The following PIWIL2 variants were observed in gnomAD, a reference collection of about 807,000 sequenced individuals.
PIWIL2 encodes piwi like RNA-mediated gene silencing 2, also known as piwi-like protein 2.
A neutral mutation model predicts 116.5 loss-of-function variants in PIWIL2; 81 were observed. That is an observed-to-expected ratio of 0.70 (90% confidence interval 0.58 to 0.84). The LOEUF (loss-of-function observed/expected upper bound fraction) is 0.84, where lower values mean the gene tolerates loss of function less well. Ranked by LOEUF, PIWIL2 falls within the 40% of genes least tolerant of loss-of-function variation. The pLI is 0.00. For synonymous variants in PIWIL2, 489 were observed against 429.5 expected, an observed-to-expected ratio of 1.14 and a Z score of -1.71; for missense variants, 1,272 against 1,212.3, an observed-to-expected ratio of 1.05 and a Z score of -0.73.
intron 2 of PIWIL2, among the ~76,000 whole-genome samples, chr8:22,279,898 G>A (rs147963199): frequency 5.2e-4 from 79 of 152,238 alleles, no homozygotes; most frequent in African/African-American, 1.8e-3. Context: ...CGGAGGTTGC[G>A]GTGAGCTGAG....
At chr8:22,354,796 G>A (rs1279385548) in intron 22 of PIWIL2, among the ~76,000 whole-genome samples, 1 of 152,224 alleles carries the variant, frequency 6.6e-6, no homozygotes, top group East Asian at 1.9e-4. Context: ...GAGGCTGGGT[G>A]CGGTGGCTCA....
intron 20 of PIWIL2, among the ~76,000 whole-genome samples, chr8:22,341,518 C>G (rs923061961): frequency 1.2e-4 from 18 of 149,354 alleles, no homozygotes; most frequent in African/African-American, 4.2e-4. Flanking sequence ...TCGCTTAAAC[C>G]TGGGAGGCGA....
At chr8:22,344,024 C>T (rs1832169693) in intron 20 of PIWIL2, among the ~76,000 whole-genome samples, 1 of 152,144 alleles carries the variant, frequency 6.6e-6, no homozygotes, top group Admixed American at 6.5e-5. Context: ...TGTCATGCAT[C>T]CAGACAATGG....
At chr8:22,323,100 G>C (rs1034566157) in intron 20 of PIWIL2, among the ~76,000 whole-genome samples, 1 of 150,062 alleles carries the variant, frequency 6.7e-6, no homozygotes, top group South Asian at 2.1e-4. Flanking sequence ...TTTCAGTAGA[G>C]ACGGGGTTTC....
intron 20 of PIWIL2, among the ~76,000 whole-genome samples, chr8:22,337,763 A>G (rs1832013573): frequency 6.6e-6 from 1 of 151,886 alleles, no homozygotes; most frequent in South Asian, 2.1e-4. Flanking sequence ...AAATAATAAT[A>G]CTAGACATAC....
At position 22,283,052 on chromosome 8, in the gene PIWIL2, T is replaced by G; in HGVS notation, c.444T>G (p.Ser148Arg). ...VGWSRTLGRG[S>R]SDASLLPLGR... ...ATTTCAGGACGCTTGGAAGAGGGAGTTCAGATGCGTCTTTATTACCACTGG... is the reference window on the plus strand; with the variant it reads ...ATTTCAGGACGCTTGGAAGAGGGAGGTCAGATGCGTCTTTATTACCACTGG... The change falls in exon 5 of 23, where the codon AGT (serine) becomes AGG (arginine). Residue 148 changes from serine to arginine, a missense_variant. Ser to Arg is a moderately radical substitution (Grantham distance 110, BLOSUM62 -1). Coordinates refer to ENST00000356766, the MANE Select transcript of PIWIL2 (RefSeq NM_018068.5). 6.2e-7 allele frequency: 1 copy of G among 1,613,880 alleles called. No individual in the cohort carries two copies. The highest frequency in any genetic ancestry group is 8.5e-7 in the Non-Finnish European group (1 of 1,179,918).
Position 22,289,886 on chromosome 8 carries a change from CT to C in PIWIL2, c.1030del (p.Tyr344MetfsTer34). 6.2e-7 allele frequency: 1 copy of C among 1,612,580 alleles called. No homozygotes were observed. Among genetic ancestry groups the C allele is most frequent in the Non-Finnish European group, 8.5e-7 (1 of 1,178,660 alleles). On this transcript the variant is annotated frameshift_variant, in exon 9 of 23. Transcript: ENST00000356766. LOFTEE classifies it high-confidence loss of function. The part of the protein sequence containing the change: ...LLDMKLVGRN[F>X]YDPTSAMVLQ... ...TAGATATGAAGCTTGTGGGGAGAAACTTTTATGACCCTACAAGTGCTATGGT... is the reference window on the plus strand; with the variant it reads ...TAGATATGAAGCTTGTGGGGAGAAACTTTATGACCCTACAAGTGCTATGGT...
intron 11 of PIWIL2, 42 bp downstream of exon 11, chr8:22,304,251 G>A (rs1461210735): frequency 2.9e-5 from 39 of 1,345,836 alleles, no homozygotes; most frequent in Non-Finnish European, 4.0e-5. Flanking sequence ...GGTGGGGGTT[G>A]GATGTAGTCC....
At chr8:22,276,376 C>CG (rs1224933995) in intron 1 of PIWIL2, among the ~76,000 whole-genome samples, 1 of 152,184 alleles carries the variant, frequency 6.6e-6, no homozygotes, top group Admixed American at 6.5e-5. Flanking sequence ...AGTGCAGTGG[C>CG]GTGATCTCTG....
At chr8:22,288,342 A>G (rs1424936408) in intron 7 of PIWIL2, among the ~76,000 whole-genome samples, 200 bp from the exon 8 acceptor site, 2 of 151,636 alleles carry the variant, frequency 1.3e-5, no homozygotes, top group Non-Finnish European at 2.9e-5. Context: ...CTTGGTTGGA[A>G]TTCTCTTACC....
chr8:22,289,997 T>A, intron 9 of PIWIL2, 70 bp downstream of exon 9: 1 of 983,544 alleles, frequency 1.0e-6, no homozygotes, highest in South Asian at 1.3e-5. Flanking sequence ...AACCATTGTA[T>A]TTAGTACTAT....
At chr8:22,308,309 G>C (rs1001647894) in intron 14 of PIWIL2, among the ~76,000 whole-genome samples, 1 of 150,886 alleles carries the variant, frequency 6.6e-6, no homozygotes, top group Non-Finnish European at 1.5e-5. Flanking sequence ...TTTTATTAAC[G>C]GTTTTCTATC....
At chr8:22,338,548 T>G (rs1436562178) in intron 20 of PIWIL2, among the ~76,000 whole-genome samples, 1 of 151,562 alleles carries the variant, frequency 6.6e-6, no homozygotes, top group Non-Finnish European at 1.5e-5. Context: ...AAAGAACAGC[T>G]GGGTGTGGTG....
intron 10 of PIWIL2, among the ~76,000 whole-genome samples, chr8:22,291,145 C>A (rs78701444): frequency 6.7e-6 from 1 of 150,218 alleles, no homozygotes; most frequent in Non-Finnish European, 1.5e-5. Context: ...ATTTTTTTTT[C>A]TTTTCTTTTC....
Position 22,317,851 on chromosome 8 carries a change from C to T in PIWIL2, c.2298-319C>T, listed in dbSNP as rs538105690. Among the ~76,000 whole-genome samples the T allele has an allele frequency of 7.2e-5, 11 of 151,928 alleles. No individual in the cohort carries two copies. The South Asian group carries it at 2.1e-3, about 29-fold the overall frequency. On this transcript the variant is annotated intron_variant, in intron 19 of 22. Coordinates refer to ENST00000356766, the MANE Select transcript of PIWIL2 (RefSeq NM_018068.5). The stretch of plus-strand genomic sequence containing the variant: ...ATTTTTTTTGTACTTTTAGTAGAGA[C>T]GGGGTTTCACCGTGTTAGCCAGGAT...
At chr8:22,348,207 G>A (rs1450378730) in intron 20 of PIWIL2, among the ~76,000 whole-genome samples, 1 of 151,948 alleles carries the variant, frequency 6.6e-6, no homozygotes, top group Non-Finnish European at 1.5e-5. Flanking sequence ...GGCCGAGGCA[G>A]GAGAATCGCT....
At chr8:22,339,697 A>G (rs1832063760) in intron 20 of PIWIL2, among the ~76,000 whole-genome samples, 1 of 152,234 alleles carries the variant, frequency 6.6e-6, no homozygotes, top group African/African-American at 2.4e-5. Context: ...AAGACAACGC[A>G]TAGAATGGGA....
intron 22 of PIWIL2, among the ~76,000 whole-genome samples, chr8:22,355,073 AAAAAAACAAAAC>A (rs911969749): frequency 1.1e-4 from 17 of 151,938 alleles, no homozygotes; most frequent in African/African-American, 3.9e-4. Context: ...CTGTCAAAAA[AAAAAAACAAAAC>A]AAAAAACAAC....
At chr8:22,305,427 C>T (rs2048546279) in intron 12 of PIWIL2, among the ~76,000 whole-genome samples, 2 of 152,034 alleles carry the variant, frequency 1.3e-5, no homozygotes, top group South Asian at 2.1e-4. Context: ...CTCCTGACCT[C>T]GTGATTTGCC....
Sources: gnomAD v4.1 joint callset for allele counts (sites outside exome capture counted in the v4.1 genomes callset) on GRCh38, gnomAD v4.1.1 for gene constraint, MANE v1.5 for transcripts, NCBI Gene and HGNC (gene_info 2026-07-23, HGNC 2026-07-21) for gene names.